Variants in ZNF431 observed in about 807,000 individuals in gnomAD.
The protein encoded by ZNF431 is zinc finger protein 431.
In ZNF431, 34 loss-of-function variants were observed where a neutral mutation model predicts 57.0. The ratio of observed to expected loss-of-function variants is 0.60; its 90% confidence interval spans 0.45 to 0.79. The LOEUF (loss-of-function observed/expected upper bound fraction) is 0.79, where lower values mean the gene tolerates loss of function less well. Ranked by LOEUF, ZNF431 falls within the 30% of genes least tolerant of loss-of-function variation. The probability of loss-of-function intolerance (pLI) is 0.00; values close to 1 mark genes in which losing one functional copy is unlikely to be tolerated. For missense variants in ZNF431, 607 were observed against 667.1 expected (o/e 0.91, Z 0.99); for synonymous variants, 207 against 220.3 (o/e 0.94, Z 0.54).
chr19:21,172,049 A>G (rs950198900), intron 4 of ZNF431, among the ~76,000 whole-genome samples: 2 of 151,972 alleles, frequency 1.3e-5, no homozygotes, highest in Middle Eastern at 3.4e-3. Flanking sequence ...TGTGAGAAAA[A>G]CATTTTTGTG....
intron 4 of ZNF431, among the ~76,000 whole-genome samples, chr19:21,178,720 G>T (rs1370460409): frequency 6.6e-6 from 1 of 151,964 alleles, no homozygotes; most frequent in Non-Finnish European, 1.5e-5. Flanking sequence ...TTGACGTGCT[G>T]CTGGATTCAG....
intron 2 of ZNF431, among the ~76,000 whole-genome samples, chr19:21,153,151 T>A (rs1970321633): frequency 1.3e-5 from 2 of 152,100 alleles, no homozygotes; most frequent in African/African-American, 4.8e-5. Context: ...CTGGTGGGAG[T>A]GTAGCAGAGA....
chr19:21,183,403 C>T lies in ZNF431; in HGVS notation c.1100C>T (p.Thr367Ile). 1 of 1,613,290 alleles carries T rather than the reference C, an allele frequency of 6.2e-7. No homozygotes were observed. Among genetic ancestry groups the T allele is most frequent in the Non-Finnish European group, 8.5e-7 (1 of 1,179,634 alleles). ...SYLTKHKIIH[T>I]GEKSYKCEEC... is the part of the protein sequence containing the mutation. The stretch of plus-strand genomic sequence containing the variant: ...CTTACTAAACATAAGATAATTCATA[C>T]TGGAGAAAAATCTTACAAATGTGAA... The change falls in exon 5 of 5, where the codon ACT becomes ATT. Residue 367 changes from threonine to isoleucine, a missense_variant. Transcript: ENST00000311048.
At chr19:21,150,335 CT>C in intron 2 of ZNF431, 4 of 397,580 alleles carry the variant, frequency 1.0e-5, no homozygotes, top group South Asian at 2.3e-5. Context: ...ATTCTTAGGC[CT>C]TTTCTCAAAC....
intron 1 of ZNF431, among the ~76,000 whole-genome samples, 182 bp downstream of exon 1, chr19:21,142,368 G>C (rs1220667158): frequency 2.0e-5 from 3 of 152,180 alleles, no homozygotes; most frequent in Non-Finnish European, 4.4e-5. Context: ...CTGACAGTCG[G>C]GACCCCAGGC....
Position 21,180,981 on chromosome 19 carries a change from A to C in ZNF431, c.320-1642A>C, listed in dbSNP as rs116957775. Among the ~76,000 whole-genome samples, 1,326 of 151,884 alleles carry C rather than the reference A, an allele frequency of 8.7e-3. 7 individuals carry two copies. The highest frequency in any genetic ancestry group is 0.014 in the Non-Finnish European group (946 of 67,948). ...AAAAAGAACTTCAGTTGCATCCAAA[A>C]ATTTTTTCTCATTATATCTGCCTTC... is the stretch of plus-strand genomic sequence containing the variant. On this transcript the variant is annotated intron_variant, in intron 4 of 4. Transcript: ENST00000311048.
intron 2 of ZNF431, chr19:21,150,219 A>G (rs529425455): frequency 9.4e-6 from 5 of 533,814 alleles, no homozygotes; most frequent in Admixed American, 2.4e-5. Flanking sequence ...ACAGAAAAAC[A>G]CTTTCAGCCG....
At chr19:21,155,813 G>T (rs930551022) in intron 2 of ZNF431, among the ~76,000 whole-genome samples, 3 of 152,142 alleles carry the variant, frequency 2.0e-5, no homozygotes, top group Non-Finnish European at 4.4e-5. Context: ...TACAGATTTG[G>T]TGGCAGAAGG....
At chr19:21,154,596 C>G (rs1348906890) in intron 2 of ZNF431, among the ~76,000 whole-genome samples, 1 of 152,162 alleles carries the variant, frequency 6.6e-6, no homozygotes, top group Non-Finnish European at 1.5e-5. Flanking sequence ...AATCGCCACA[C>G]TGACTTCCAC....
chr19:21,185,922 T>C lies in ZNF431; in HGVS notation c.*1888T>C, dbSNP rs1039873669. Reference sequence around the variant, plus strand: ...ATTAAATTTTTATTTACCACAGTGTTATTTTTATCGTCATAATAAAAATTA... The same window carrying C: ...ATTAAATTTTTATTTACCACAGTGTCATTTTTATCGTCATAATAAAAATTA... On this transcript the variant is annotated 3_prime_UTR_variant, in exon 5 of 5. Coordinates refer to ENST00000311048, the MANE Select transcript of ZNF431 (RefSeq NM_133473.4). 4 of 152,194 alleles carry C rather than the reference T, an allele frequency of 2.6e-5. No individual in the cohort carries two copies. The highest frequency in any genetic ancestry group is 7.2e-5 in the African/African-American group (3 of 41,446). The allele number at this position is 152,194 out of a possible 1,614,324, so 9.4% of individuals were successfully genotyped here. A position where few individuals can be genotyped will look rare whatever the true frequency, so the allele number is the denominator to read the frequency against.
chr19:21,164,079 CAA>C (rs34934773), intron 2 of ZNF431, among the ~76,000 whole-genome samples: 5 of 138,350 alleles, frequency 3.6e-5, no homozygotes, highest in African/African-American at 1.3e-4. Flanking sequence ...AACTCCATCT[CAA>C]AAAAAAAAAA....
intron 2 of ZNF431, among the ~76,000 whole-genome samples, chr19:21,145,829 G>A (rs1367626177): frequency 1.3e-5 from 2 of 152,114 alleles, no homozygotes; most frequent in Non-Finnish European, 2.9e-5. Context: ...TTCCTAGGGA[G>A]GAGCAAACAG....
intron 4 of ZNF431, chr19:21,169,773 C>A: frequency 2.5e-6 from 1 of 398,546 alleles, no homozygotes; most frequent in East Asian, 3.6e-5. Flanking sequence ...GAGAGGATTT[C>A]TTCAGGTCAC....
chr19:21,169,077 A>G (rs1048984188), intron 4 of ZNF431, among the ~76,000 whole-genome samples: 3 of 151,904 alleles, frequency 2.0e-5, no homozygotes, highest in South Asian at 2.1e-4. Flanking sequence ...AGCCCAGCTA[A>G]ATTTTTTTTT....
At chr19:21,149,768 T>C in intron 2 of ZNF431, 4 of 637,870 alleles carry the variant, frequency 6.3e-6, no homozygotes, top group Non-Finnish European at 8.8e-6. Flanking sequence ...CCTGTCATTG[T>C]AGTTGGTCCT....
intron 4 of ZNF431, among the ~76,000 whole-genome samples, chr19:21,176,893 C>T (rs1020565772): frequency 6.6e-6 from 1 of 152,082 alleles, no homozygotes; most frequent in Non-Finnish European, 1.5e-5. Flanking sequence ...GATGGGGTTT[C>T]ACCATCTTAG....
chr19:21,158,276 C>T (rs1970477449), intron 2 of ZNF431, among the ~76,000 whole-genome samples: 1 of 152,118 alleles, frequency 6.6e-6, no homozygotes, highest in South Asian at 2.1e-4. Context: ...CAGCTTACTG[C>T]AACCTCTGCC....
intron 1 of ZNF431, 94 bp from the exon 2 acceptor site, chr19:21,143,457 C>A: frequency 1.0e-6 from 1 of 984,406 alleles, no homozygotes; most frequent in Non-Finnish European, 1.6e-6. Context: ...TCGTGGGTTT[C>A]AGTGCTGTCT....
chr19:21,165,880 A>G (rs1970705790), intron 2 of ZNF431, among the ~76,000 whole-genome samples: 1 of 152,156 alleles, frequency 6.6e-6, no homozygotes, highest in African/African-American at 2.4e-5. Context: ...CCTTTTTAGA[A>G]TTTTAAAAAC....
Sources: gnomAD v4.1 joint callset for allele counts (sites outside exome capture counted in the v4.1 genomes callset) on GRCh38, gnomAD v4.1.1 for gene constraint, MANE v1.5 for transcripts, NCBI Gene and HGNC (gene_info 2026-07-23, HGNC 2026-07-21) for gene names.